Variants in ADGRA2 observed in about 807,000 individuals in gnomAD.
The protein encoded by ADGRA2 is G-protein coupled receptor 124.
In ADGRA2, 61 loss-of-function variants were observed where a neutral mutation model predicts 98.7. That is an observed-to-expected ratio of 0.62 (90% confidence interval 0.50 to 0.76). The LOEUF is 0.76. Among genes scored for constraint, ADGRA2 ranks in the 30% least tolerant of loss-of-function variants. ADGRA2 has a pLI of 0.00. For synonymous variants in ADGRA2, 858 were observed against 831.5 expected, an observed-to-expected ratio of 1.03 and a Z score of -0.55; for missense variants, 1,712 against 1,860.0, an observed-to-expected ratio of 0.92 and a Z score of 1.46.
Position 37,833,877 on chromosome 8 carries a change from C to A in ADGRA2, c.1446+40C>A, listed in dbSNP as rs1345406362. 3.7e-6 allele frequency: 6 copies of A among 1,610,652 alleles called. No homozygotes were observed. The South Asian group carries it at 5.5e-5, about 15-fold the overall frequency. On this transcript the variant is annotated intron_variant, in intron 10 of 18. Transcript: ENST00000412232. Reference sequence around the variant, plus strand: ...GAACTCAGGAGCTCGGAAAACGCCCCCATCCCTCATTTGCTCAAGCCTCTC... The same window carrying A: ...GAACTCAGGAGCTCGGAAAACGCCCACATCCCTCATTTGCTCAAGCCTCTC...
intron 1 of ADGRA2, among the ~76,000 whole-genome samples, chr8:37,803,670 T>G (rs539813018): frequency 7.9e-5 from 12 of 151,198 alleles, no homozygotes; most frequent in Middle Eastern, 3.5e-3. Context: ...AGCCGTGGAG[T>G]GTAGGTCACT....
Position 37,830,864 on chromosome 8 carries a change from T to C in ADGRA2, c.873T>C (p.Asp291=), listed in dbSNP as rs1373602451. The C allele has an allele frequency of 3.8e-6, 6 of 1,594,818 alleles. No homozygotes were observed. Among genetic ancestry groups the C allele is most frequent in the Middle Eastern group, 1.7e-4 (1 of 6,030 alleles). The change falls in exon 7 of 19, where the codon GAT becomes GAC. Residue 291 remains aspartate (D), a synonymous_variant. Coordinates refer to ENST00000412232, the MANE Select transcript of ADGRA2 (RefSeq NM_032777.10). This position sits in a 1 kb window ranked among gnomAD's most constrained non-coding sequence, Gnocchi z 4.8. ...ACAACCGAGCCCCTGTGGAGGGTGA[T>C]GAGCAGGCGGGCATCCTCCTGGCCG... ...WYHNRAPVEG[D]EQAGILLAES...
intron 2 of ADGRA2, among the ~76,000 whole-genome samples, chr8:37,826,032 C>A (rs934532392): frequency 2.0e-5 from 3 of 152,038 alleles, no homozygotes; most frequent in Non-Finnish European, 4.4e-5. Context: ...GGGGCCTGGA[C>A]GCCGCCTCGC....
At chr8:37,827,451 G>T (rs1299082168) in intron 2 of ADGRA2, among the ~76,000 whole-genome samples, 1 of 152,250 alleles carries the variant, frequency 6.6e-6, no homozygotes, top group Non-Finnish European at 1.5e-5. Flanking sequence ...TGCAGCCCCA[G>T]GGGCAGGTGA....
chr8:37,819,666 G>A (rs943509361), intron 2 of ADGRA2, among the ~76,000 whole-genome samples: 5 of 151,780 alleles, frequency 3.3e-5, no homozygotes, highest in Middle Eastern at 3.4e-3. Flanking sequence ...CATCGCACCC[G>A]GCCTTTTTCT....
rs1207489094 is a variant in ADGRA2, at chr8:37,811,475, T to G, written c.267-3421T>G. ...ATGTAAACCACTGCACCCAGCCAAC[T>G]TTTTTTTTTTTTTTTTTGGCAACAG... On this transcript the variant is annotated intron_variant, in intron 1 of 18. Coordinates refer to ENST00000412232, the MANE Select transcript of ADGRA2 (RefSeq NM_032777.10). 1.3e-4 allele frequency among the ~76,000 whole-genome samples: 12 copies of G among 95,122 alleles called. No homozygotes were observed. The East Asian group carries it at 2.8e-3, about 22-fold the overall frequency. 62.4% of individuals were successfully genotyped at this position (95,122 alleles called of 152,430 possible). A position where few individuals can be genotyped will look rare whatever the true frequency, so the allele number is the denominator to read the frequency against.
At position 37,842,359 on chromosome 8, in the gene ADGRA2, G is replaced by GGGGCGGGCGACGCGGTAGAC; in HGVS notation, c.*9_*28dup. The GGGGCGGGCGACGCGGTAGAC allele has an allele frequency of 6.8e-7, 1 of 1,464,194 alleles. No individual in the cohort carries two copies. Among genetic ancestry groups the GGGGCGGGCGACGCGGTAGAC allele is most frequent in the Non-Finnish European group, 9.0e-7 (1 of 1,110,546 alleles). The allele number at this position is 1,464,194 out of a possible 1,614,324, so 90.7% of individuals were successfully genotyped here. ...GAAGAGCGAAACTACCGTCTAAGGT[G>GGGGCGGGCGACGCGGTAGAC]GGGCGGGCGACGCGGTAGACGGGCT... On this transcript the variant is annotated 3_prime_UTR_variant, in exon 19 of 19. Coordinates refer to ENST00000412232, the MANE Select transcript of ADGRA2 (RefSeq NM_032777.10).
chr8:37,821,464 G>C (rs1014733008), intron 2 of ADGRA2, among the ~76,000 whole-genome samples: 1 of 152,186 alleles, frequency 6.6e-6, no homozygotes, highest in Non-Finnish European at 1.5e-5. Context: ...AAATATACAT[G>C]CTCCAAGTAC....
intron 3 of ADGRA2, 28 bp downstream of exon 3, chr8:37,828,987 ACCCCT>A: frequency 7.9e-7 from 1 of 1,264,142 alleles, no homozygotes; most frequent in African/African-American, 1.6e-5. Flanking sequence ...CCCTGACCCC[ACCCCT>A]CCCCTCCCGA....
intron 9 of ADGRA2, 110 bp downstream of exon 9, chr8:37,833,318 T>A: frequency 1.2e-6 from 1 of 863,498 alleles, no homozygotes; most frequent in Non-Finnish European, 1.8e-6. Context: ...GGGCTGTGCC[T>A]CCTGTTCCTG....
chr8:37,828,850 G>T, intron 2 of ADGRA2, 38 bp from the exon 3 acceptor site: 2 of 1,550,482 alleles, frequency 1.3e-6, no homozygotes, highest in Admixed American at 1.9e-5. Context: ...CGGCTCCAGC[G>T]GGGAGAGGTG....
chr8:37,840,143 C>A lies in ADGRA2; in HGVS notation c.2534C>A (p.Ser845Tyr), dbSNP rs1245296301. Residue 845 changes from serine to tyrosine, a missense_variant, in exon 17 of 19, where the codon TCC becomes TAC. Transcript: ENST00000412232. ...CAGGTGGGCATCACCCTGCACTACTCCTCCCTATCCACGCTGCTCTGGATG... is the reference window on the plus strand; with the variant it reads ...CAGGTGGGCATCACCCTGCACTACTACTCCCTATCCACGCTGCTCTGGATG... The part of the protein sequence containing the change: ...CQAVGITLHY[S>Y]SLSTLLWMGV... The A allele has an allele frequency of 2.5e-6, 4 of 1,606,804 alleles. No individual in the cohort carries two copies. Among genetic ancestry groups the A allele is most frequent in the East Asian group, 2.2e-5 (1 of 44,882 alleles).
At position 37,830,050 on chromosome 8, in the gene ADGRA2, A is replaced by G; in HGVS notation, c.718+36A>G. On this transcript the variant is annotated intron_variant, in intron 6 of 18. Coordinates refer to ENST00000412232, the MANE Select transcript of ADGRA2 (RefSeq NM_032777.10). This position sits in a 1 kb window ranked among gnomAD's most constrained non-coding sequence, Gnocchi z 4.8. Reference sequence around the variant, plus strand: ...CCCCCCAGCTACACATCTCCCAGGGACCCTGCCTCTCCACCAACCCAGGGC... The same window carrying G: ...CCCCCCAGCTACACATCTCCCAGGGGCCCTGCCTCTCCACCAACCCAGGGC... 1 of 1,409,482 alleles carries G rather than the reference A, an allele frequency of 7.1e-7. No individual in the cohort carries two copies. Among genetic ancestry groups the G allele is most frequent in the Non-Finnish European group, 9.5e-7 (1 of 1,057,688 alleles). 87.3% of individuals were successfully genotyped at this position (1,409,482 alleles called of 1,614,324 possible).
chr8:37,825,634 A>G (rs888678335), intron 2 of ADGRA2, among the ~76,000 whole-genome samples: 1 of 152,114 alleles, frequency 6.6e-6, no homozygotes, highest in Non-Finnish European at 1.5e-5. Context: ...GCAGAAGTTC[A>G]TGGCCTTCGT....
chr8:37,831,390 G>A, intron 7 of ADGRA2, 33 bp from the exon 8 acceptor site: 2 of 1,602,432 alleles, frequency 1.2e-6, no homozygotes, highest in Non-Finnish European at 1.7e-6. Flanking sequence ...GCCCAAGGGT[G>A]ACTCACGAGC....
In ADGRA2 at chr8:37,843,629, A is replaced by T. The variant is rs1201629899; in HGVS notation, c.*1274A>T. The T allele has an allele frequency of 2.6e-5, 4 of 152,382 alleles. No individual in the cohort carries two copies. The highest frequency in any genetic ancestry group is 9.6e-5 in the African/African-American group (4 of 41,458). The allele number at this position is 152,382 out of a possible 1,614,324, so 9.4% of individuals were successfully genotyped here. ...CCTAGGGTTCCCTCCCAGTCTTCAC[A>T]TCACTCTGGCCTCATCACCAAGGTG... On this transcript the variant is annotated 3_prime_UTR_variant, in exon 19 of 19. Coordinates refer to ENST00000412232, the MANE Select transcript of ADGRA2 (RefSeq NM_032777.10).
At chr8:37,801,682 G>A (rs945433872) in intron 1 of ADGRA2, among the ~76,000 whole-genome samples, 3 of 152,228 alleles carry the variant, frequency 2.0e-5, no homozygotes, top group Non-Finnish European at 4.4e-5. Flanking sequence ...GGATCTTAGC[G>A]ATAAGGAAGC....
intron 1 of ADGRA2, among the ~76,000 whole-genome samples, chr8:37,812,553 G>T: frequency 6.6e-6 from 1 of 152,138 alleles, no homozygotes; most frequent in East Asian, 1.9e-4. Flanking sequence ...CGTGAGCCCG[G>T]GAGGCAGAGC....
intron 2 of ADGRA2, among the ~76,000 whole-genome samples, chr8:37,820,598 G>T (rs769823511): frequency 3.0e-4 from 45 of 152,232 alleles, no homozygotes; most frequent in Non-Finnish European, 1.8e-4. Context: ...GGCGGCTGAG[G>T]CCATGGCAAC....
Sources: allele counts gnomAD v4.1 joint callset (sites outside exome capture counted in the v4.1 genomes callset), GRCh38; gene constraint gnomAD v4.1.1; non-coding constraint Gnocchi (gnomAD v3.1); transcripts MANE v1.5; gene names NCBI Gene and HGNC (gene_info 2026-07-23, HGNC 2026-07-21).